Variants in ENTREP2 observed in about 807,000 individuals in gnomAD.
The protein encoded by ENTREP2 is endosomal transmembrane epsin interactor 2.
chr15:29,661,682 C>T, the ENTREP2 span, among the ~76,000 whole-genome samples: 1 of 152,258 alleles, frequency 6.6e-6, no homozygotes, highest in Middle Eastern at 3.4e-3. Flanking sequence ...CACACATTTA[C>T]AAGCATCCAA....
At chr15:29,556,645 G>A in the ENTREP2 span, among the ~76,000 whole-genome samples, 4 of 152,182 alleles carry the variant, frequency 2.6e-5, no homozygotes, top group Admixed American at 1.3e-4. Context: ...GCTGACTCCC[G>A]CACATTTCTG....
the ENTREP2 span, among the ~76,000 whole-genome samples, chr15:29,331,280 C>G: frequency 6.6e-6 from 1 of 152,132 alleles, no homozygotes; most frequent in Admixed American, 6.5e-5. Flanking sequence ...ACAGCAGGCC[C>G]GCCGGGAGGA....
the ENTREP2 span, among the ~76,000 whole-genome samples, chr15:29,242,399 T>C: frequency 1.3e-5 from 2 of 152,210 alleles, no homozygotes; most frequent in Non-Finnish European, 2.9e-5. Context: ...AAAACGTGTA[T>C]ATTTTTTAAA....
the ENTREP2 span, among the ~76,000 whole-genome samples, chr15:29,347,200 G>C: frequency 0.14 from 21,921 of 151,882 alleles, 1,804 homozygotes; most frequent in East Asian, 0.35. Context: ...TTTGAGACAA[G>C]ATCTTGCTTT....
the ENTREP2 span, among the ~76,000 whole-genome samples, chr15:29,236,105 A>G: frequency 6.6e-6 from 1 of 152,228 alleles, no homozygotes; most frequent in Non-Finnish European, 1.5e-5. Flanking sequence ...CTTTAATAAG[A>G]TCAACAACAC....
chr15:29,593,654 T>G, the ENTREP2 span, among the ~76,000 whole-genome samples: 1 of 152,232 alleles, frequency 6.6e-6, no homozygotes, highest in Non-Finnish European at 1.5e-5. Context: ...ATATTTGTCC[T>G]TGCCTCCTCC....
the ENTREP2 span, among the ~76,000 whole-genome samples, chr15:29,586,238 TATGAA>T: frequency 6.6e-6 from 1 of 152,078 alleles, no homozygotes; most frequent in Non-Finnish European, 1.5e-5. Context: ...ATTCTATTGG[TATGAA>T]ATGCCCAGAA....
At chr15:29,414,368 T>A in the ENTREP2 span, among the ~76,000 whole-genome samples, 3 of 152,144 alleles carry the variant, frequency 2.0e-5, no homozygotes, top group East Asian at 5.8e-4. Context: ...CTCAACTACA[T>A]GGAAACTGAA....
the ENTREP2 span, among the ~76,000 whole-genome samples, chr15:29,286,212 C>A: frequency 5.8e-3 from 877 of 152,138 alleles, 8 homozygotes; most frequent in African/African-American, 0.02. Context: ...ATAAAAGTTA[C>A]AAGATTGGGG....
the ENTREP2 span, among the ~76,000 whole-genome samples, chr15:29,329,539 C>G: frequency 2.5e-3 from 377 of 152,242 alleles, 3 homozygotes; most frequent in African/African-American, 8.3e-3. Flanking sequence ...GCCTCTCCCC[C>G]ACCCAGTAAT....
At chr15:29,598,456 A>G in the ENTREP2 span, among the ~76,000 whole-genome samples, 2,021 of 152,332 alleles carry the variant, frequency 0.013, 57 homozygotes, top group African/African-American at 0.046. Flanking sequence ...TTAGTCAGTT[A>G]TTTAAGAGAA....
At chr15:29,356,367 C>T in the ENTREP2 span, among the ~76,000 whole-genome samples, 5 of 123,188 alleles carry the variant, frequency 4.1e-5, no homozygotes, top group African/African-American at 6.0e-5. Context: ...AGTGCAGTGG[C>T]GTGATCTCAG....
the ENTREP2 span, among the ~76,000 whole-genome samples, chr15:29,625,008 C>T: frequency 6.6e-6 from 1 of 151,896 alleles, no homozygotes; most frequent in Non-Finnish European, 1.5e-5. Flanking sequence ...TCATACCCAT[C>T]CTATCCAGGC....
At chr15:29,385,688 G>A in the ENTREP2 span, among the ~76,000 whole-genome samples, 1 of 152,152 alleles carries the variant, frequency 6.6e-6, no homozygotes, top group Non-Finnish European at 1.5e-5. Flanking sequence ...CTATGGGAGG[G>A]GGGCAAGGAA....
the ENTREP2 span, among the ~76,000 whole-genome samples, chr15:29,648,399 C>G: frequency 6.6e-6 from 1 of 152,192 alleles, no homozygotes; most frequent in East Asian, 1.9e-4. Flanking sequence ...CTCTGCAAGC[C>G]CATTAGCTCA....
chr15:29,119,745 AG>A, the ENTREP2 span, among the ~76,000 whole-genome samples: 8 of 151,494 alleles, frequency 5.3e-5, no homozygotes, highest in Non-Finnish European at 1.2e-4. Flanking sequence ...CAAGAATGCC[AG>A]GGATGGCCAC....
chr15:29,522,052 C>T, the ENTREP2 span, among the ~76,000 whole-genome samples: 9 of 152,232 alleles, frequency 5.9e-5, no homozygotes, highest in Middle Eastern at 3.4e-3. Context: ...ACAAATGGTG[C>T]TGGAAAAACT....
At chr15:29,371,824 G>A in the ENTREP2 span, among the ~76,000 whole-genome samples, 1 of 151,852 alleles carries the variant, frequency 6.6e-6, no homozygotes, top group Non-Finnish European at 1.5e-5. Flanking sequence ...GAAAACATTA[G>A]AAAATGTTAA....
chr15:29,439,040 A>C, the ENTREP2 span, among the ~76,000 whole-genome samples: 68,063 of 151,396 alleles, frequency 0.45, 15,548 homozygotes, highest in African/African-American at 0.53. Flanking sequence ...GAGAACTGGC[A>C]ATACATATAT....
Sources: allele counts gnomAD v4.1 joint callset (sites outside exome capture counted in the v4.1 genomes callset), GRCh38; gene constraint gnomAD v4.1.1; transcripts MANE v1.5; gene names NCBI Gene and HGNC (gene_info 2026-07-23, HGNC 2026-07-21).